Variants in NLRP5 observed in about 807,000 individuals in gnomAD.
The protein encoded by NLRP5 is NLR family pyrin domain containing 5.
A neutral mutation model predicts 113.1 loss-of-function variants in NLRP5; 93 were observed. The ratio of observed to expected loss-of-function variants is 0.82; its 90% CI spans 0.70 to 0.98. The LOEUF is 0.98. NLRP5 is among the 50% of genes least tolerant of loss of function. The probability of loss-of-function intolerance (pLI) is 0.00; values close to 1 mark genes in which losing one functional copy is unlikely to be tolerated. For missense variants in NLRP5, 1,808 were observed against 1,514.3 expected (o/e 1.19, Z -3.22); for synonymous variants, 751 against 600.7 (o/e 1.25, Z -3.66).
chr19:56,061,609 G>A lies in NLRP5; in HGVS notation c.*81G>A. On this transcript the variant is annotated 3_prime_UTR_variant, in exon 15 of 15. Coordinates refer to ENST00000390649, the MANE Select transcript of NLRP5 (RefSeq NM_153447.4). ...TTTTCTCAGAGCAAGCTATGCACCT[G>A]GGAGTTCCTTCTCAAAGATGGAGAA... The A allele has an allele frequency of 1.4e-6, 2 of 1,445,446 alleles. No individual in the cohort carries two copies. The highest frequency in any genetic ancestry group is 2.3e-5 in the East Asian group (1 of 43,756). The allele number at this position is 1,445,446 out of a possible 1,614,324, so 89.5% of individuals were successfully genotyped here.
At chr19:56,031,387 G>A (rs558915914) in intron 7 of NLRP5, among the ~76,000 whole-genome samples, 40 of 152,134 alleles carry the variant, frequency 2.6e-4, no homozygotes, top group Non-Finnish European at 5.0e-4. Flanking sequence ...CCAGCACTTT[G>A]GGAGGCCAAG....
At chr19:55,987,994 G>C in the NLRP5 span, 1 of 1,060,522 alleles carries the variant, frequency 9.4e-7, no homozygotes, top group Admixed American at 1.8e-5. Flanking sequence ...TTATCATCCT[G>C]TATGCATTAA....
At chr19:56,033,782 GC>G in intron 9 of NLRP5, 73 bp downstream of exon 9, 1 of 1,352,732 alleles carries the variant, frequency 7.4e-7, no homozygotes, top group Non-Finnish European at 1.0e-6. Context: ...ACATAAAGTG[GC>G]AAAAATTAAA....
chr19:56,027,310 C>A lies in NLRP5; in HGVS notation c.1077C>A (p.Phe359Leu). 6.2e-7 allele frequency: 1 copy of A among 1,612,262 alleles called. No individual in the cohort carries two copies. Among genetic ancestry groups the A allele is most frequent in the Non-Finnish European group, 8.5e-7 (1 of 1,179,880 alleles). The stretch of plus-strand genomic sequence containing the variant: ...TGTCCCGACCAGAAAGGCTGTTGTT[C>A]ATCATTGACGGTTTCGATGACCTGG... Residue 359 changes from phenylalanine to leucine, a missense_variant, in exon 7 of 15, where the codon TTC becomes TTA. Physicochemically the swap from Phe to Leu is conservative, Grantham distance 22 (BLOSUM62 0). Transcript: ENST00000390649.
chr19:56,044,437 T>C (rs1983647014), intron 11 of NLRP5, among the ~76,000 whole-genome samples: 1 of 152,244 alleles, frequency 6.6e-6, no homozygotes, highest in African/African-American at 2.4e-5. Flanking sequence ...GACATGTGGC[T>C]AGCCAATTAT....
chr19:56,027,036 G>A lies in NLRP5; in HGVS notation c.803G>A (p.Gly268Asp). ...TGGCCGGAAATGCAAACGTTGGCTG[G>A]TGCTTTTGATTCAGACCGGTGGGGC... Residue 268 changes from glycine to aspartate, a missense_variant, in exon 7 of 15, where the codon GGT becomes GAT. By Grantham distance (94) the Gly-to-Asp change is moderately conservative. Coordinates refer to ENST00000390649, the MANE Select transcript of NLRP5 (RefSeq NM_153447.4). 3 of 1,552,780 alleles carry A rather than the reference G, an allele frequency of 1.9e-6. No homozygotes were observed. The highest frequency in any genetic ancestry group is 1.2e-5 in the South Asian group (1 of 84,112).
At chr19:56,005,476 TACAC>T (rs370942099) in intron 2 of NLRP5, among the ~76,000 whole-genome samples, 3,004 of 146,220 alleles carry the variant, frequency 0.021, 232 homozygotes, top group African/African-American at 0.074. Context: ...CACATATTTA[TACAC>T]ACACACACGC....
rs185039226 is a variant in NLRP5, at chr19:56,060,917, A to G, written c.3471-479A>G. On this transcript the variant is annotated intron_variant, in intron 14 of 14. Transcript: ENST00000390649. ...AAATCTGTCTCCCCATGCTGGCTTC[A>G]AGGCAGCATTATTATTAGAAAAGGT... 4.2e-3 allele frequency among the ~76,000 whole-genome samples: 643 copies of G among 152,292 alleles called. 6 individuals are homozygous for G. Among genetic ancestry groups the G allele is most frequent in the African/African-American group, 0.015 (609 of 41,566 alleles).
intron 13 of NLRP5, among the ~76,000 whole-genome samples, chr19:56,055,155 C>CT (rs977575218): frequency 4.0e-5 from 6 of 150,538 alleles, no homozygotes; most frequent in African/African-American, 1.2e-4. Context: ...TGCCCGGCTA[C>CT]TTTTTTTTGT....
At chr19:56,052,170 T>C (rs1568502683) in intron 12 of NLRP5, among the ~76,000 whole-genome samples, 1 of 141,186 alleles carries the variant, frequency 7.1e-6, no homozygotes, top group Non-Finnish European at 1.6e-5. Flanking sequence ...GTTTTTTCTT[T>C]TGTTTGTTTT....
chr19:56,056,409 T>C (rs1984153849), intron 13 of NLRP5, among the ~76,000 whole-genome samples: 1 of 152,062 alleles, frequency 6.6e-6, no homozygotes, highest in Non-Finnish European at 1.5e-5. Flanking sequence ...ATATAAAAGT[T>C]AGCCGGGCTT....
chr19:56,055,237 C>T (rs958817260), intron 13 of NLRP5, among the ~76,000 whole-genome samples: 33 of 151,894 alleles, frequency 2.2e-4, no homozygotes, highest in South Asian at 4.2e-4. Context: ...AGTGATCCGC[C>T]GGCCTCAGCC....
chr19:56,024,726 C>T (rs570085555), intron 6 of NLRP5, among the ~76,000 whole-genome samples: 1 of 151,356 alleles, frequency 6.6e-6, no homozygotes, highest in Non-Finnish European at 1.5e-5. Flanking sequence ...CTGCTGCACT[C>T]CAGCCTGGGC....
At chr19:55,999,218 T>TC (rs1328872115), upstream of NLRP5, among the ~76,000 whole-genome samples, 26 of 146,360 alleles carry the variant, frequency 1.8e-4, no homozygotes, top group South Asian at 5.8e-3. Context: ...TTTTCTTTTT[T>TC]TTTTTTTTTT....
chr19:56,024,602 C>CACAT (rs1555766974), intron 6 of NLRP5, among the ~76,000 whole-genome samples: 4 of 150,118 alleles, frequency 2.7e-5, no homozygotes, highest in Admixed American at 6.7e-5. Flanking sequence ...CACACACACA[C>CACAT]ATGAAATTAG....
chr19:56,022,039 T>C (rs540537144), intron 6 of NLRP5, among the ~76,000 whole-genome samples: 1 of 152,178 alleles, frequency 6.6e-6, no homozygotes, highest in Admixed American at 6.5e-5. Context: ...TACATAATCA[T>C]TCACTCAACC....
upstream of NLRP5, among the ~76,000 whole-genome samples, chr19:55,999,361 C>T (rs139208166): frequency 9.4e-3 from 1,421 of 151,836 alleles, 32 homozygotes; most frequent in African/African-American, 0.032. Context: ...GTTACAGGTG[C>T]GCGCCACCAT....
chr19:56,060,268 C>A (rs558495778), intron 14 of NLRP5, among the ~76,000 whole-genome samples: 5 of 151,888 alleles, frequency 3.3e-5, no homozygotes, highest in Non-Finnish European at 7.4e-5. Context: ...GAAATGGGGG[C>A]GGTGCTATGT....
chr19:56,003,978 C>T lies in NLRP5; in HGVS notation c.325C>T (p.Leu109=). The T allele has an allele frequency of 1.2e-6, 2 of 1,614,008 alleles. No individual in the cohort carries two copies. The highest frequency in any genetic ancestry group is 1.7e-6 in the Non-Finnish European group (2 of 1,179,892). ...AATCGAGAATGCCAACGTGGAATGT[C>T]TGGCACTCCTCTTGCATGAGTATTA... Residue 109 remains leucine, a synonymous_variant, in exon 2 of 15, where the codon CTG becomes TTG. Transcript: ENST00000390649.
Sources: allele counts gnomAD v4.1 joint callset (sites outside exome capture counted in the v4.1 genomes callset), GRCh38; gene constraint gnomAD v4.1.1; transcripts MANE v1.5; gene names NCBI Gene and HGNC (gene_info 2026-07-23, HGNC 2026-07-21).